CNTNAP2: variants seen among roughly 807,000 people sequenced by gnomAD.
CNTNAP2 encodes the protein contactin associated protein 2, also known as contactin-associated protein-like 2.
A neutral mutation model predicts 155.2 loss-of-function variants in CNTNAP2; 98 were observed. The observed-to-expected ratio is 0.63, with a 90% CI of 0.54 to 0.75. CNTNAP2 has a LOEUF of 0.75. Ranked by LOEUF, CNTNAP2 falls within the 30% of genes least tolerant of loss-of-function variation. CNTNAP2 has a pLI of 0.00. For missense variants in CNTNAP2, 1,727 were observed against 1,688.1 expected (o/e 1.02, Z -0.40); for synonymous variants, 651 against 631.2 (o/e 1.03, Z -0.47).
chr7:147,568,882 G>A (rs907090451), intron 12 of CNTNAP2, among the ~76,000 whole-genome samples: 11 of 152,082 alleles, frequency 7.2e-5, no homozygotes, highest in Non-Finnish European at 1.0e-4. Flanking sequence ...AAACTTTACT[G>A]TCTATCCTTA....
intron 1 of CNTNAP2, among the ~76,000 whole-genome samples, chr7:146,342,938 C>T (rs1794753735): frequency 6.6e-6 from 1 of 152,232 alleles, no homozygotes; most frequent in Admixed American, 6.5e-5. Flanking sequence ...AATTGCTTCT[C>T]AAGCACACCA....
chr7:146,360,169 C>A (rs1040832089), intron 1 of CNTNAP2, among the ~76,000 whole-genome samples: 1 of 152,154 alleles, frequency 6.6e-6, no homozygotes, highest in Non-Finnish European at 1.5e-5. Context: ...CAGTGTTAAG[C>A]CTTTCCAGTG....
chr7:147,118,305 G>T (rs1007323147), intron 5 of CNTNAP2, among the ~76,000 whole-genome samples: 1 of 151,810 alleles, frequency 6.6e-6, no homozygotes, highest in African/African-American at 2.4e-5. Flanking sequence ...AAAATCATAA[G>T]GCAAAAAAAG....
At chr7:147,346,650 A>G (rs1352038685) in intron 9 of CNTNAP2, among the ~76,000 whole-genome samples, 2 of 152,176 alleles carry the variant, frequency 1.3e-5, no homozygotes, top group Non-Finnish European at 2.9e-5. Flanking sequence ...CAATTTTTTC[A>G]TGTTAATTTT....
chr7:148,283,312 G>A (rs28559704), intron 21 of CNTNAP2, among the ~76,000 whole-genome samples: 29,787 of 63,028 alleles, frequency 0.47, 5,914 homozygotes, highest in South Asian at 0.58. Context: ...AGAAAGGAAG[G>A]AAGGAAGGAA....
chr7:148,028,006 A>G (rs1484939097), intron 15 of CNTNAP2, among the ~76,000 whole-genome samples: 2 of 152,198 alleles, frequency 1.3e-5, no homozygotes, highest in Non-Finnish European at 2.9e-5. Flanking sequence ...AGAGCCACAC[A>G]CTATTTTAAA....
At chr7:146,937,335 G>T (rs1183976198) in intron 3 of CNTNAP2, among the ~76,000 whole-genome samples, 1 of 149,688 alleles carries the variant, frequency 6.7e-6, no homozygotes, top group Non-Finnish European at 1.5e-5. Flanking sequence ...TGGGTGACAG[G>T]GTGAGACTCT....
intron 1 of CNTNAP2, among the ~76,000 whole-genome samples, chr7:146,305,946 A>G (rs149013642): frequency 0.02 from 2,973 of 152,220 alleles, 123 homozygotes; most frequent in African/African-American, 0.068. Flanking sequence ...CAAAAAATCA[A>G]TGAATCCAGG....
intron 18 of CNTNAP2, among the ~76,000 whole-genome samples, chr7:148,209,337 T>G (rs980833657): frequency 4.2e-4 from 64 of 151,292 alleles, no homozygotes; most frequent in African/African-American, 1.5e-3. Flanking sequence ...TCCCCCTATG[T>G]TGTCCAGGCC....
intron 14 of CNTNAP2, among the ~76,000 whole-genome samples, chr7:147,919,030 C>T (rs1035405811): frequency 2.8e-4 from 42 of 152,196 alleles, no homozygotes; most frequent in African/African-American, 9.9e-4. Flanking sequence ...AAGACCCTTT[C>T]CTGGCTGTGA....
intron 1 of CNTNAP2, among the ~76,000 whole-genome samples, chr7:146,574,568 G>A (rs757490866): frequency 6.6e-6 from 1 of 152,082 alleles, no homozygotes; most frequent in African/African-American, 2.4e-5. Flanking sequence ...GGGAGTTCTC[G>A]TGCGTGCCTG....
intron 1 of CNTNAP2, among the ~76,000 whole-genome samples, chr7:146,290,764 A>G (rs1235457545): frequency 1.3e-5 from 2 of 152,218 alleles, no homozygotes; most frequent in African/African-American, 4.8e-5. Context: ...TGATGTAAGA[A>G]GTTCAGACGA....
chr7:147,373,340 T>G (rs535338598), intron 9 of CNTNAP2, among the ~76,000 whole-genome samples: 1 of 152,112 alleles, frequency 6.6e-6, no homozygotes, highest in Non-Finnish European at 1.5e-5. Flanking sequence ...AATGTCTGTC[T>G]TACTAGATTT....
intron 2 of CNTNAP2, among the ~76,000 whole-genome samples, chr7:146,781,120 C>A (rs919008864): frequency 6.7e-6 from 1 of 150,190 alleles, no homozygotes; most frequent in African/African-American, 2.5e-5. Flanking sequence ...CCCAGCTACT[C>A]GGGAGGCTGA....
At chr7:146,765,433 A>G (rs1294002012) in intron 1 of CNTNAP2, among the ~76,000 whole-genome samples, 2 of 152,218 alleles carry the variant, frequency 1.3e-5, no homozygotes, top group African/African-American at 4.8e-5. Context: ...AGATGAAGTG[A>G]ATACATCTCA....
chr7:146,992,780 T>C (rs981902704), intron 3 of CNTNAP2, among the ~76,000 whole-genome samples: 1 of 152,190 alleles, frequency 6.6e-6, no homozygotes, highest in Admixed American at 6.5e-5. Flanking sequence ...AAATACTTAT[T>C]ATATAAATTT....
intron 3 of CNTNAP2, among the ~76,000 whole-genome samples, chr7:146,973,258 C>T (rs762019371): frequency 4.6e-5 from 7 of 152,160 alleles, no homozygotes; most frequent in Non-Finnish European, 1.0e-4. Context: ...CAACTCCTGA[C>T]CTCAGGTGAT....
chr7:148,083,722 T>A (rs922888343), intron 15 of CNTNAP2, among the ~76,000 whole-genome samples: 2 of 152,208 alleles, frequency 1.3e-5, no homozygotes, highest in African/African-American at 4.8e-5. Flanking sequence ...CTAGAGCCTC[T>A]CAGAAGTCTC....
At chr7:148,071,219 G>A (rs758331342) in intron 15 of CNTNAP2, among the ~76,000 whole-genome samples, 1 of 152,160 alleles carries the variant, frequency 6.6e-6, no homozygotes, top group Non-Finnish European at 1.5e-5. Flanking sequence ...GCTCACGCCT[G>A]TAATCCCAGC....
Sources: gnomAD v4.1 joint callset for allele counts (sites outside exome capture counted in the v4.1 genomes callset) on GRCh38, gnomAD v4.1.1 for gene constraint, MANE v1.5 for transcripts, NCBI Gene and HGNC (gene_info 2026-07-23, HGNC 2026-07-21) for gene names.